The following STIM2 variants were observed in gnomAD, a reference collection of about 807,000 sequenced individuals.
STIM2 encodes the protein stromal interaction molecule 2.
STIM2 carries 31 observed loss-of-function variants against 85.8 expected under a neutral mutation model. That is an observed-to-expected ratio of 0.36 (90% CI 0.27 to 0.49). STIM2 has a LOEUF of 0.49. Ranked by LOEUF, STIM2 falls within the 20% of genes least tolerant of loss-of-function variation. STIM2 has a pLI of 0.98. For missense variants in STIM2, 841 were observed against 927.6 expected, an observed-to-expected ratio of 0.91 and a Z score of 1.21; for synonymous variants, 356 against 331.1, an observed-to-expected ratio of 1.08 and a Z score of -0.82.
At chr4:27,006,333 T>C (rs548123773) in intron 7 of STIM2, among the ~76,000 whole-genome samples, 33 of 152,310 alleles carry the variant, frequency 2.2e-4, no homozygotes, top group African/African-American at 7.9e-4. Context: ...ATAGTACTCT[T>C]GTTGGTTTAT....
chr4:26,940,033 G>A (rs970253189), intron 2 of STIM2, among the ~76,000 whole-genome samples: 4 of 152,250 alleles, frequency 2.6e-5, no homozygotes, highest in African/African-American at 7.2e-5. Flanking sequence ...TCGTTAAGAC[G>A]AACTTTGTGA....
chr4:26,998,158 GTTA>G (rs1451099838), intron 4 of STIM2, among the ~76,000 whole-genome samples: 2 of 152,134 alleles, frequency 1.3e-5, no homozygotes, highest in Non-Finnish European at 2.9e-5. Context: ...TATTGTCATT[GTTA>G]TTATTATTAG....
At chr4:27,003,920 C>T (rs1728245816) in intron 7 of STIM2, among the ~76,000 whole-genome samples, 1 of 152,148 alleles carries the variant, frequency 6.6e-6, no homozygotes, top group Admixed American at 6.5e-5. Flanking sequence ...GTCTCATCTC[C>T]TCCTTCTGAC....
At chr4:26,992,348 G>A (rs1221062397) in intron 3 of STIM2, among the ~76,000 whole-genome samples, 1 of 152,042 alleles carries the variant, frequency 6.6e-6, no homozygotes, top group Non-Finnish European at 1.5e-5. Context: ...GAAATAAACA[G>A]TTGTTGAAGT....
At chr4:26,966,244 TAGTTGGAAATC>T (rs1254403061) in intron 3 of STIM2, among the ~76,000 whole-genome samples, 2 of 152,126 alleles carry the variant, frequency 1.3e-5, no homozygotes, top group Admixed American at 1.3e-4. Flanking sequence ...CTTTTCCTAG[TAGTTGGAAATC>T]AGTTGCATAT....
chr4:26,878,180 T>A (rs1391536037), intron 1 of STIM2, among the ~76,000 whole-genome samples: 2 of 152,134 alleles, frequency 1.3e-5, no homozygotes, highest in Non-Finnish European at 2.9e-5. Flanking sequence ...ATGTGCTAGG[T>A]TTGTGATGGG....
chr4:26,885,743 A>G (rs1723194360), intron 1 of STIM2, among the ~76,000 whole-genome samples: 1 of 148,922 alleles, frequency 6.7e-6, no homozygotes, highest in Admixed American at 6.7e-5. Context: ...TATGTAGTTT[A>G]TAAGAGCAGT....
At chr4:26,887,807 A>G (rs768125273) in intron 1 of STIM2, among the ~76,000 whole-genome samples, 31 of 150,480 alleles carry the variant, frequency 2.1e-4, no homozygotes, top group Non-Finnish European at 3.1e-4. Flanking sequence ...ACTTAAAATA[A>G]TTAATTGTTT....
Position 27,008,972 on chromosome 4 carries a change from GAC to G in STIM2, c.1464_1465del (p.Pro490AsnfsTer11), listed in dbSNP as rs1177113068. On this transcript the variant is annotated frameshift_variant, in exon 10 of 12. Transcript: ENST00000467087. LOFTEE classifies it high-confidence loss of function. ...TGGAGGAGTTGATGACTTAGATGAAGACACACCCCCAATAGTGTCACAATTTC... is the reference window on the plus strand; with the variant it reads ...TGGAGGAGTTGATGACTTAGATGAAGACACCCCCAATAGTGTCACAATTTC... The G allele has an allele frequency of 6.2e-7, 1 of 1,613,922 alleles. No individual in the cohort carries two copies. Among genetic ancestry groups the G allele is most frequent in the Non-Finnish European group, 8.5e-7 (1 of 1,179,998 alleles).
chr4:26,877,638 A>T (rs528199618), intron 1 of STIM2, among the ~76,000 whole-genome samples: 8 of 151,686 alleles, frequency 5.3e-5, no homozygotes, highest in Admixed American at 5.2e-4. Context: ...TAGTTTTGTC[A>T]CTGCTTGGGC....
intron 1 of STIM2, 152 bp downstream of exon 1, chr4:26,861,521 C>G (rs902594651): frequency 1.3e-5 from 15 of 1,157,052 alleles, no homozygotes; most frequent in African/African-American, 6.4e-5. Context: ...GTCGCGGTCC[C>G]CTGCACTCCG....
chr4:27,008,828 A>AAGATCTG lies in STIM2; in HGVS notation c.1316_1322dup (p.Cys441Ter). 1 of 1,614,176 alleles carries AAGATCTG rather than the reference A, an allele frequency of 6.2e-7. No individual in the cohort carries two copies. Among genetic ancestry groups the AAGATCTG allele is most frequent in the Non-Finnish European group, 8.5e-7 (1 of 1,180,028 alleles). ...ACTTTTTCGCTGGCAACAAATTGAGAAGATCTGTGGCTTTCAGATAGCCCA... is the reference window on the plus strand; with the variant it reads ...ACTTTTTCGCTGGCAACAAATTGAGAAGATCTGAGATCTGTGGCTTTCAGATAGCCCA... On this transcript the variant is annotated stop_gained and frameshift_variant, in exon 10 of 12. Transcript: ENST00000467087. LOFTEE classifies it high-confidence loss of function.
chr4:27,019,056 T>A (rs1577501258), intron 11 of STIM2, among the ~76,000 whole-genome samples: 1 of 152,330 alleles, frequency 6.6e-6, no homozygotes, highest in South Asian at 2.1e-4. Context: ...AGCTCTGTTC[T>A]TAAACCACAT....
chr4:26,986,779 A>G (rs1454977842), intron 3 of STIM2, among the ~76,000 whole-genome samples: 1 of 152,218 alleles, frequency 6.6e-6, no homozygotes, highest in Non-Finnish European at 1.5e-5. Context: ...TATCTTTCAC[A>G]CAATTATGGG....
In STIM2 at chr4:26,995,257, G is replaced by T. The variant is rs150967318; in HGVS notation, c.398-122G>T. ...TCATAGAGTGCTAGATACAGTTTTG[G>T]TACTTAATGTTGATTAAATTGAAAA... On this transcript the variant is annotated intron_variant, in intron 3 of 11. Transcript: ENST00000467087. 650 of 510,718 alleles carry T rather than the reference G, an allele frequency of 1.3e-3. 3 individuals carry two copies. Among genetic ancestry groups the T allele is most frequent in the African/African-American group, 0.01 (515 of 49,936 alleles). 31.6% of individuals were successfully genotyped at this position (510,718 alleles called of 1,614,324 possible). A position where few individuals can be genotyped will look rare whatever the true frequency, so the allele number is the denominator to read the frequency against.
chr4:26,892,155 T>C (rs1232428478), intron 1 of STIM2, among the ~76,000 whole-genome samples: 1 of 152,256 alleles, frequency 6.6e-6, no homozygotes, highest in Non-Finnish European at 1.5e-5. Flanking sequence ...TAAACCTCTT[T>C]CTTTTGTAAA....
intron 1 of STIM2, among the ~76,000 whole-genome samples, chr4:26,908,134 T>C (rs538113222): frequency 1.3e-5 from 2 of 152,330 alleles, no homozygotes; most frequent in African/African-American, 4.8e-5. Context: ...GAACATTTCC[T>C]TTTTGAAAGT....
intron 1 of STIM2, among the ~76,000 whole-genome samples, chr4:26,917,105 C>T (rs1032425483): frequency 2.6e-5 from 4 of 152,096 alleles, no homozygotes; most frequent in African/African-American, 7.2e-5. Flanking sequence ...CTGCCCTGTT[C>T]ATAATCTTAG....
At chr4:26,976,081 T>C (rs1727175259) in intron 3 of STIM2, among the ~76,000 whole-genome samples, 1 of 152,230 alleles carries the variant, frequency 6.6e-6, no homozygotes, top group African/African-American at 2.4e-5. Flanking sequence ...TCTCCTTGTC[T>C]GCTGGTTGCT....
Sources: gnomAD v4.1 joint callset for allele counts (sites outside exome capture counted in the v4.1 genomes callset) on GRCh38, gnomAD v4.1.1 for gene constraint, MANE v1.5 for transcripts, NCBI Gene and HGNC (gene_info 2026-07-23, HGNC 2026-07-21) for gene names.